The following TMIGD3 variants were observed in gnomAD, a reference collection of about 807,000 sequenced individuals.
The protein encoded by TMIGD3 is transmembrane and immunoglobulin domain containing 3.
Under a neutral mutation model 28.1 loss-of-function variants are expected in TMIGD3, and 21 were observed. The observed-to-expected ratio is 0.75, with a 90% CI of 0.53 to 1.08. The LOEUF (loss-of-function observed/expected upper bound fraction) is 1.08, where lower values mean the gene tolerates loss of function less well. TMIGD3 is among the 50% of genes least tolerant of loss of function. The pLI is 0.00. For missense variants in TMIGD3, 416 were observed against 435.6 expected, an observed-to-expected ratio of 0.96 and a Z score of 0.40; for synonymous variants, 151 against 162.1, an observed-to-expected ratio of 0.93 and a Z score of 0.52.
chr1:111,523,046 A>G (rs545519032), intron 1 of TMIGD3, among the ~76,000 whole-genome samples: 1 of 152,326 alleles, frequency 6.6e-6, no homozygotes, highest in African/African-American at 2.4e-5. Flanking sequence ...GAGAGTGGCC[A>G]TGCTTACTTC....
chr1:111,504,798 A>T (rs2100987486), upstream of TMIGD3: 1 of 919,588 alleles, frequency 1.1e-6, no homozygotes, highest in Non-Finnish European at 1.3e-6. Context: ...CTCTGGCATC[A>T]TTCATTGATT....
At chr1:111,492,977 A>G (rs1425174655) in intron 1 of TMIGD3, among the ~76,000 whole-genome samples, 1 of 152,176 alleles carries the variant, frequency 6.6e-6, no homozygotes, top group African/African-American at 2.4e-5. Flanking sequence ...TAAATAGGCA[A>G]TAAGAATAAG....
At chr1:111,554,600 G>A (rs1313363585) in intron 1 of TMIGD3, among the ~76,000 whole-genome samples, 1 of 152,182 alleles carries the variant, frequency 6.6e-6, no homozygotes, top group Non-Finnish European at 1.5e-5. Context: ...CATATGCTCA[G>A]TGAATAATTA....
intron 1 of TMIGD3, among the ~76,000 whole-genome samples, chr1:111,545,831 T>C (rs1420591847): frequency 6.6e-6 from 1 of 152,154 alleles, no homozygotes; most frequent in Non-Finnish European, 1.5e-5. Context: ...CTTCATTCTT[T>C]GATATGTAGA....
chr1:111,506,402 C>G (rs961360047), upstream of TMIGD3, among the ~76,000 whole-genome samples: 7 of 152,234 alleles, frequency 4.6e-5, no homozygotes, highest in Admixed American at 1.3e-4. Flanking sequence ...TAAGCAGCTT[C>G]TATTCACAGA....
At chr1:111,550,505 C>A (rs1204924337) in intron 1 of TMIGD3, among the ~76,000 whole-genome samples, 3 of 152,152 alleles carry the variant, frequency 2.0e-5, no homozygotes, top group Admixed American at 2.0e-4. Flanking sequence ...CCAACATTCC[C>A]TGTATCCCAT....
chr1:111,507,440 G>A (rs1655546502), upstream of TMIGD3, among the ~76,000 whole-genome samples: 1 of 152,220 alleles, frequency 6.6e-6, no homozygotes, highest in Admixed American at 6.5e-5. Flanking sequence ...ACTGGGCACA[G>A]CTCAACCACA....
chr1:111,549,223 A>AT (rs1384492440), intron 1 of TMIGD3, among the ~76,000 whole-genome samples: 4 of 148,354 alleles, frequency 2.7e-5, no homozygotes, highest in African/African-American at 1.0e-4. Context: ...CCTGCCCTTT[A>AT]TTTTTTTAAA....
upstream of TMIGD3, among the ~76,000 whole-genome samples, chr1:111,508,037 G>A (rs1655570680): frequency 6.6e-6 from 1 of 152,268 alleles, no homozygotes; most frequent in African/African-American, 2.4e-5. Context: ...CTCACAGGCT[G>A]TAGTCTGAGC....
At chr1:111,516,839 C>T (rs943961675) in intron 1 of TMIGD3, among the ~76,000 whole-genome samples, 3 of 152,220 alleles carry the variant, frequency 2.0e-5, no homozygotes, top group Non-Finnish European at 4.4e-5. Flanking sequence ...ACTTGTTCCA[C>T]GGCCCCAGCC....
At chr1:111,551,867 T>C (rs1195484798) in intron 1 of TMIGD3, among the ~76,000 whole-genome samples, 1 of 152,142 alleles carries the variant, frequency 6.6e-6, no homozygotes, top group Non-Finnish European at 1.5e-5. Context: ...TGGCCTTCAC[T>C]TACTGTTTGC....
intron 1 of TMIGD3, among the ~76,000 whole-genome samples, chr1:111,529,558 G>T (rs1656380199): frequency 1.3e-5 from 2 of 149,098 alleles, no homozygotes; most frequent in South Asian, 2.2e-4. Context: ...AGATTAGGGA[G>T]TGGTGATGAC....
At chr1:111,490,547 G>C (rs1463771677) in intron 2 of TMIGD3, 109 bp downstream of exon 2, 4 of 761,428 alleles carry the variant, frequency 5.3e-6, no homozygotes, top group African/African-American at 5.2e-5. Flanking sequence ...CCACTCCTTA[G>C]ATGGTTCGAG....
Position 111,486,652 on chromosome 1 carries a change from T to A in TMIGD3, c.806A>T (p.Asp269Val), listed in dbSNP as rs1166588706. Residue 269 changes from aspartate to valine, a missense_variant and splice_region_variant, in exon 4 of 6, where the codon GAC (aspartate) becomes GTC (valine). By Grantham distance (152) the Asp-to-Val change is radical (BLOSUM62 -3). Coordinates refer to ENST00000369716, the MANE Select transcript of TMIGD3 (RefSeq NM_020683.7). ...TLANDFWSGK[D>V]LSGNKTRSCK... ...GCTTCTGGTTTTGTTGCCTGATAGG[T>A]CTGAATCAGAAAGGATTTGTTAAGT... 3.1e-6 allele frequency: 5 copies of A among 1,613,462 alleles called. No individual in the cohort carries two copies. The Admixed American group carries it at 8.3e-5, about 27-fold the overall frequency.
At chr1:111,534,084 G>A (rs558379323) in intron 1 of TMIGD3, among the ~76,000 whole-genome samples, 2 of 152,070 alleles carry the variant, frequency 1.3e-5, no homozygotes, top group African/African-American at 2.4e-5. Context: ...TAATAAGAAC[G>A]ATATAGATAT....
chr1:111,490,827 G>C, intron 1 of TMIGD3, 65 bp from the exon 2 acceptor site: 2 of 1,192,136 alleles, frequency 1.7e-6, no homozygotes, highest in African/African-American at 1.6e-5. Flanking sequence ...AGAGACCAGT[G>C]AAAAGGGAAA....
chr1:111,508,741 A>C (rs1247600001), intron 1 of TMIGD3, among the ~76,000 whole-genome samples: 1 of 152,230 alleles, frequency 6.6e-6, no homozygotes, highest in East Asian at 1.9e-4. Flanking sequence ...AACTTTACTG[A>C]ATTAACTCAA....
chr1:111,520,242 C>T (rs2101002764), intron 1 of TMIGD3, among the ~76,000 whole-genome samples: 1 of 152,296 alleles, frequency 6.6e-6, no homozygotes, highest in Admixed American at 6.5e-5. Context: ...CAGCTGCTAC[C>T]CATGTTAGTG....
intron 1 of TMIGD3, among the ~76,000 whole-genome samples, chr1:111,560,423 G>A (rs1009648019): frequency 1.5e-5 from 2 of 136,810 alleles, no homozygotes; most frequent in African/African-American, 6.3e-5. Context: ...TAAATGAATA[G>A]ACTTTGTGGA....
Sources: gnomAD v4.1 joint callset for allele counts (sites outside exome capture counted in the v4.1 genomes callset) on GRCh38, gnomAD v4.1.1 for gene constraint, MANE v1.5 for transcripts, NCBI Gene and HGNC (gene_info 2026-07-23, HGNC 2026-07-21) for gene names.